Variants in SLC24A3 observed in about 807,000 individuals in gnomAD.
SLC24A3 encodes the protein solute carrier family 24 member 3, also known as sodium/potassium/calcium exchanger 3.
A neutral mutation model predicts 75.8 loss-of-function variants in SLC24A3; 28 were observed. The observed-to-expected ratio is 0.37, with a 90% CI of 0.27 to 0.51. The LOEUF (loss-of-function observed/expected upper bound fraction) is 0.51, where lower values mean the gene tolerates loss of function less well. SLC24A3 is among the 20% of genes least tolerant of loss of function. The pLI is 0.94. For synonymous variants in SLC24A3, 372 were observed against 334.1 expected, an observed-to-expected ratio of 1.11 and a Z score of -1.24; for missense variants, 663 against 847.8, an observed-to-expected ratio of 0.78 and a Z score of 2.71.
intron 2 of SLC24A3, among the ~76,000 whole-genome samples, chr20:19,496,992 C>T (rs1231180153): frequency 1.3e-5 from 2 of 152,180 alleles, no homozygotes; most frequent in Non-Finnish European, 2.9e-5. Context: ...CTCCTTCTGC[C>T]TTCTCCTTGT....
chr20:19,252,808 CA>C (rs1410569710), intron 1 of SLC24A3, among the ~76,000 whole-genome samples: 1 of 152,148 alleles, frequency 6.6e-6, no homozygotes, highest in Non-Finnish European at 1.5e-5. Flanking sequence ...TGGGATCCTC[CA>C]GTGAAGCCTC....
intron 3 of SLC24A3, among the ~76,000 whole-genome samples, chr20:19,567,008 A>G (rs570596015): frequency 5.9e-5 from 9 of 152,344 alleles, no homozygotes; most frequent in South Asian, 2.1e-4. Flanking sequence ...TCAAAAAATA[A>G]TAGTTGCTGA....
intron 2 of SLC24A3, among the ~76,000 whole-genome samples, chr20:19,452,376 ATGTGTGTGTGTGTGTG>A (rs34840970): frequency 0.025 from 2,851 of 113,088 alleles, 50 homozygotes; most frequent in African/African-American, 0.036. Flanking sequence ...CCTGTGGGGG[ATGTGTGTGTGTGTGTG>A]TGTGTGTGTG....
chr20:19,519,393 C>T (rs186978926), intron 3 of SLC24A3, among the ~76,000 whole-genome samples: 41 of 152,296 alleles, frequency 2.7e-4, no homozygotes, highest in African/African-American at 9.4e-4. Flanking sequence ...TGGCTTTGAA[C>T]AGCCATTGCT....
intron 2 of SLC24A3, among the ~76,000 whole-genome samples, chr20:19,308,405 C>A (rs1442632655): frequency 6.6e-6 from 1 of 152,182 alleles, no homozygotes; most frequent in African/African-American, 2.4e-5. Flanking sequence ...AAGTGACTTT[C>A]ATTTTGTTAT....
At chr20:19,613,201 T>C (rs1384707817) in intron 6 of SLC24A3, among the ~76,000 whole-genome samples, 2 of 152,230 alleles carry the variant, frequency 1.3e-5, no homozygotes, top group African/African-American at 4.8e-5. Context: ...GAACATGCTG[T>C]ATAATTTAAA....
intron 2 of SLC24A3, among the ~76,000 whole-genome samples, chr20:19,369,457 G>C (rs1985953564): frequency 6.8e-6 from 1 of 147,010 alleles, no homozygotes; most frequent in Non-Finnish European, 1.5e-5. Flanking sequence ...AGATAGGATG[G>C]TTAAGTGCAA....
Position 19,521,094 on chromosome 20 carries a change from C to T in SLC24A3, c.348+5530C>T, listed in dbSNP as rs537298851. Among the ~76,000 whole-genome samples, 13 of 152,232 alleles carry T rather than the reference C, an allele frequency of 8.5e-5. No individual in the cohort carries two copies. The South Asian group carries it at 2.5e-3, about 29-fold the overall frequency. The stretch of plus-strand genomic sequence containing the variant: ...GTGTTATTCCTAGCCTAGCAGAGTA[C>T]CTAGGTGACCTGAACCATGCTTTCC... On this transcript the variant is annotated intron_variant, in intron 3 of 16. Transcript: ENST00000328041.
At chr20:19,577,286 A>ACCT (rs760592931) in intron 3 of SLC24A3, among the ~76,000 whole-genome samples, 1 of 152,102 alleles carries the variant, frequency 6.6e-6, no homozygotes, top group Admixed American at 6.5e-5. Context: ...CAATCTCATG[A>ACCT]CCTTGTGATC....
At chr20:19,613,098 C>T (rs1383701739) in intron 6 of SLC24A3, among the ~76,000 whole-genome samples, 1 of 152,196 alleles carries the variant, frequency 6.6e-6, no homozygotes, top group Non-Finnish European at 1.5e-5. Context: ...TTGTGGTCAC[C>T]CTACTCACAT....
chr20:19,488,573 C>A (rs998770324), intron 2 of SLC24A3, among the ~76,000 whole-genome samples: 1 of 152,120 alleles, frequency 6.6e-6, no homozygotes, highest in African/African-American at 2.4e-5. Flanking sequence ...ACTGTCACCA[C>A]CAGGAAATGC....
At chr20:19,273,317 C>G (rs1048113419) in intron 1 of SLC24A3, among the ~76,000 whole-genome samples, 1 of 152,190 alleles carries the variant, frequency 6.6e-6, no homozygotes, top group Non-Finnish European at 1.5e-5. Flanking sequence ...AGGGGAGTTG[C>G]ACTGGGACTG....
intron 2 of SLC24A3, among the ~76,000 whole-genome samples, chr20:19,335,113 A>T (rs1985099905): frequency 6.6e-6 from 1 of 152,206 alleles, no homozygotes; most frequent in African/African-American, 2.4e-5. Flanking sequence ...AATATTATTT[A>T]ATTTTAGTTT....
At chr20:19,279,649 C>T (rs1983597878) in intron 1 of SLC24A3, among the ~76,000 whole-genome samples, 1 of 152,158 alleles carries the variant, frequency 6.6e-6, no homozygotes, top group African/African-American at 2.4e-5. Flanking sequence ...CTCCCTGGTG[C>T]CCCCTCTTCT....
In SLC24A3 at chr20:19,501,763, G is replaced by A. The variant is rs549051240; in HGVS notation, c.272-13725G>A. ...GTGTCTCTTCCTGTAATCTCCCACT[G>A]TTCTGATTGCTCTTTCTGTCTGATT... On this transcript the variant is annotated intron_variant, in intron 2 of 16. Transcript: ENST00000328041. 3.3e-5 allele frequency among the ~76,000 whole-genome samples: 5 copies of A among 152,200 alleles called. No homozygotes were observed. In the South Asian group the frequency reaches 8.3e-4, roughly 25 times the overall value.
At chr20:19,226,982 G>A (rs935901415) in intron 1 of SLC24A3, among the ~76,000 whole-genome samples, 2 of 152,214 alleles carry the variant, frequency 1.3e-5, no homozygotes, top group South Asian at 2.1e-4. Flanking sequence ...GTTTCTTTAG[G>A]TTGGATTTCT....
chr20:19,491,357 G>A lies in SLC24A3; in HGVS notation c.272-24131G>A, dbSNP rs1490451610. 1.0e-3 allele frequency among the ~76,000 whole-genome samples: 154 copies of A among 152,144 alleles called. 1 individual carries two copies. The highest frequency in any genetic ancestry group is 1.9e-4 in the Non-Finnish European group (13 of 68,030). On this transcript the variant is annotated intron_variant, in intron 2 of 16. Coordinates refer to ENST00000328041, the MANE Select transcript of SLC24A3 (RefSeq NM_020689.4). ...TCTGTAACTAACCTCTTCAAAGATGGTTCTTTCGACATGCTTGGTTCCCTA... is the reference window on the plus strand; with the variant it reads ...TCTGTAACTAACCTCTTCAAAGATGATTCTTTCGACATGCTTGGTTCCCTA...
At chr20:19,686,671 C>T (rs1300720509) in intron 12 of SLC24A3, among the ~76,000 whole-genome samples, 1 of 152,166 alleles carries the variant, frequency 6.6e-6, no homozygotes, top group Non-Finnish European at 1.5e-5. Context: ...CAGGGTCTTG[C>T]TGTGCTCCAG....
intron 15 of SLC24A3, among the ~76,000 whole-genome samples, chr20:19,702,787 T>G (rs1390179250): frequency 6.6e-6 from 1 of 152,206 alleles, no homozygotes; most frequent in African/African-American, 2.4e-5. Flanking sequence ...TCAATTTTAT[T>G]ATTTGGCACA....
Sources: allele counts gnomAD v4.1 joint callset (sites outside exome capture counted in the v4.1 genomes callset), GRCh38; gene constraint gnomAD v4.1.1; transcripts MANE v1.5; gene names NCBI Gene and HGNC (gene_info 2026-07-23, HGNC 2026-07-21).